The following SYP variants were observed in gnomAD, a reference collection of about 807,000 sequenced individuals.
SYP encodes the protein synaptophysin.
A neutral mutation model predicts 24.3 loss-of-function variants in SYP; 2 were observed. The ratio of observed to expected loss-of-function variants is 0.08; its 90% CI spans 0.03 to 0.26. SYP has a LOEUF of 0.26. Ranked by LOEUF, SYP falls within the 10% of genes least tolerant of loss-of-function variation. SYP has a pLI of 1.00. For missense variants in SYP, 216 were observed against 266.3 expected (o/e 0.81, Z 1.32); for synonymous variants, 143 against 123.2 (o/e 1.16, Z -1.07).
Position 49,200,131 on chromosome X carries a change from C to G in SYP, c.36+20G>C. The G allele has an allele frequency of 1.7e-6, 2 of 1,166,018 alleles. No individual in the cohort carries two copies. The highest frequency in any genetic ancestry group is 3.8e-5 in the South Asian group (2 of 52,715). ...CAGCCGGGCGGCGGCGGGCTCTGTC[C>G]ACGGTGCTGGAGCGCGTACCTGATT... On this transcript the variant is annotated intron_variant, in intron 1 of 6. Coordinates refer to ENST00000263233, the MANE Select transcript of SYP (RefSeq NM_003179.3).
At chrX:49,197,649 T>G in intron 3 of SYP, 66 bp downstream of exon 3, 5 of 1,165,801 alleles carry the variant, frequency 4.3e-6, no homozygotes, top group Non-Finnish European at 5.8e-6. Flanking sequence ...CGGGGGGAGG[T>G]ATTGGCCGGT....
chrX:49,194,253 C>A lies in SYP; in HGVS notation c.336G>T (p.Val112=). The A allele has an allele frequency of 1.7e-6, 2 of 1,211,527 alleles. No homozygotes were observed. Among genetic ancestry groups the A allele is most frequent in the African/African-American group, 3.5e-5 (2 of 57,713 alleles). The change falls in exon 4 of 7, where the codon GTG becomes GTT. Residue 112 remains valine (V), a synonymous_variant. Coordinates refer to ENST00000263233, the MANE Select transcript of SYP (RefSeq NM_003179.3). ...CCCCCATGGAGTAGAGGAAGGCAAACACGGCCACGGTGACAAAGAATTCGG... is the reference window on the plus strand; with the variant it reads ...CCCCCATGGAGTAGAGGAAGGCAAAAACGGCCACGGTGACAAAGAATTCGG... ...SSAEFFVTVA[V]FAFLYSMGAL...
chrX:49,191,745 G>C lies in SYP; in HGVS notation c.634C>G (p.Leu212Val), dbSNP rs1278446763. ...NTSVVFGFLN[L>V]VLWVGNLWFV... ...CACAGGTTGCCGACCCAGAGCACCA[G>C]GTTCAGGAAGCCGAACACCTGCAGG... The change falls in exon 6 of 7, where the codon CTG becomes GTG. Residue 212 changes from leucine to valine, a missense_variant. Transcript: ENST00000263233. 3.3e-6 allele frequency: 4 copies of C among 1,206,085 alleles called. No individual in the cohort carries two copies. The highest frequency in any genetic ancestry group is 4.5e-6 in the Non-Finnish European group (4 of 892,947).
chrX:49,191,328 A>G, intron 6 of SYP, 105 bp downstream of exon 6: 7 of 964,326 alleles, frequency 7.3e-6, no homozygotes, highest in Non-Finnish European at 1.0e-5. Flanking sequence ...TACTTGCCCC[A>G]GTAAACGCCT....
At chrX:49,200,114 C>T in intron 1 of SYP, 37 bp downstream of exon 1, 1 of 1,162,476 alleles carries the variant, frequency 8.6e-7, no homozygotes, top group Non-Finnish European at 1.1e-6. Flanking sequence ...GGCAGCCGGG[C>T]GGCGGCGGGC....
Position 49,198,997 on chromosome X carries a change from G to A in SYP, c.73C>T (p.Pro25Ser). The A allele has an allele frequency of 1.7e-6, 2 of 1,211,722 alleles. No individual in the cohort carries two copies. The highest frequency in any genetic ancestry group is 5.9e-5 in the East Asian group (2 of 33,862). The change falls in exon 2 of 7, where the codon CCC becomes TCC. Residue 25 changes from proline (P) to serine (S), a missense_variant. By Grantham distance (74) the Pro-to-Ser change is moderately conservative. Coordinates refer to ENST00000263233, the MANE Select transcript of SYP (RefSeq NM_003179.3). ...AGGQFRVVKE[P>S]LGFVKVLQWV... ...TGCAGCACCTTCACAAAGCCGAGGG[G>A]CTCCTTGACCACCCGGAACTGACCC...
chrX:49,195,002 C>T (rs1226746413), intron 3 of SYP, among the ~76,000 whole-genome samples: 1 of 111,127 alleles, frequency 9.0e-6, no homozygotes, highest in Non-Finnish European at 1.9e-5. Context: ...CCACTGCGCC[C>T]GGCCTCCCTC....
At chrX:49,195,164 C>T (rs1557103266) in intron 3 of SYP, among the ~76,000 whole-genome samples, 4 of 108,958 alleles carry the variant, frequency 3.7e-5, no homozygotes, top group Non-Finnish European at 5.7e-5. Flanking sequence ...ACCCATCTGA[C>T]ATACCAGGTA....
At chrX:49,191,057 A>G (rs935840417) in intron 6 of SYP, 27 of 291,713 alleles carry the variant, frequency 9.3e-5, no homozygotes, top group African/African-American at 6.9e-4. Flanking sequence ...CACTTCTAAG[A>G]CCCACCTCCT....
At position 49,189,256 on chromosome X, in the gene SYP, C is replaced by G. The variant is rs1052590974; in HGVS notation, c.*31G>C. 2 of 109,666 alleles carry G rather than the reference C, an allele frequency of 1.8e-5. No homozygotes were observed. The highest frequency in any genetic ancestry group is 2.9e-4 in the East Asian group (1 of 3,487). The allele number at this position is 109,666 out of a possible 1,213,427, so 9.0% of individuals were successfully genotyped here. A position where few individuals can be genotyped will look rare whatever the true frequency, so the allele number is the denominator to read the frequency against. ...AGGCCTTCTCCTGAGCTCTTGCCCC[C>G]CCCAGGTCCTCCTGGGCTTCACTGA... On this transcript the variant is annotated 3_prime_UTR_variant, in exon 7 of 7. Transcript: ENST00000263233.
In SYP at chrX:49,191,495, T is replaced by G. The variant is rs1557102705; in HGVS notation, c.884A>C (p.Tyr295Ser). The change falls in exon 6 of 7, where the codon TAT becomes TCT. Residue 295 changes from tyrosine (Y) to serine (S), a missense_variant. By Grantham distance (144) the Tyr-to-Ser change is moderately radical (BLOSUM62 -2). Coordinates refer to ENST00000263233, the MANE Select transcript of SYP (RefSeq NM_003179.3). ...CTGCGGGCCGTAGCCTTGCTGCCCA[T>G]AGTCGCCCTGAGGCCCGTAGCCACT... ...GGSGYGPQGD[Y>S]GQQGYGPQGA... The G allele has an allele frequency of 8.3e-7, 1 of 1,210,398 alleles. No homozygotes were observed. The highest frequency in any genetic ancestry group is 1.7e-5 in the African/African-American group (1 of 57,517).
In SYP at chrX:49,193,454, C is replaced by T; in HGVS notation, c.433G>A (p.Ala145Thr). Reference protein sequence around the residue: ...NNKGPMLDFLATAVFAFMWLV... With the variant: ...NNKGPMLDFLTTAVFAFMWLV... ...CACATGAAGGCGAACACAGCCGTGG[C>T]CAGAAAGTCCTAAGGCAGGCAGGGG... The change falls in exon 5 of 7, where the codon GCC becomes ACC. Residue 145 changes from alanine to threonine, a missense_variant. Coordinates refer to ENST00000263233, the MANE Select transcript of SYP (RefSeq NM_003179.3). 3.1e-5 allele frequency: 37 copies of T among 1,211,572 alleles called. No individual in the cohort carries two copies. The highest frequency in any genetic ancestry group is 5.3e-5 in the South Asian group (3 of 56,815).
intron 3 of SYP, among the ~76,000 whole-genome samples, chrX:49,194,569 A>C (rs187025499): frequency 0.012 from 1,278 of 110,859 alleles, 16 homozygotes; most frequent in African/African-American, 0.041. Context: ...ACTCCAACCC[A>C]AGCACTCTGG....
At chrX:49,197,881 G>T (rs199905260) in intron 2 of SYP, 42 bp from the exon 3 acceptor site, 21 of 1,204,288 alleles carry the variant, frequency 1.7e-5, no homozygotes, top group Middle Eastern at 5.4e-4. Flanking sequence ...GAACCTGTGT[G>T]CATGTGGGAG....
rs376222680 is a variant in SYP, at chrX:49,191,511, C to T, written c.868G>A (p.Gly290Arg). ...QPAGSGGSGYGPQGDYGQQGY... is the reference protein window; with the variant it reads ...QPAGSGGSGYRPQGDYGQQGY... Reference sequence around the variant, plus strand: ...TGCTGCCCATAGTCGCCCTGAGGCCCGTAGCCACTGCCACCGCTGCCGGCT... The same window carrying T: ...TGCTGCCCATAGTCGCCCTGAGGCCTGTAGCCACTGCCACCGCTGCCGGCT... The change falls in exon 6 of 7, where the codon GGG becomes AGG. Residue 290 changes from glycine (G) to arginine (R), a missense_variant. Around this residue, in one of 2 missense-constraint regions of SYP, gnomAD observed 114 missense variants for 107.9 expected, o/e 1.06. Coordinates refer to ENST00000263233, the MANE Select transcript of SYP (RefSeq NM_003179.3). 1.7e-6 allele frequency: 2 copies of T among 1,210,064 alleles called. No individual in the cohort carries two copies. Among genetic ancestry groups the T allele is most frequent in the South Asian group, 1.8e-5 (1 of 56,843 alleles).
chrX:49,195,989 G>T (rs902466582), intron 3 of SYP, among the ~76,000 whole-genome samples: 1 of 111,424 alleles, frequency 9.0e-6, no homozygotes, highest in Non-Finnish European at 1.9e-5. Flanking sequence ...AGGAGAGGGG[G>T]TCCCTAAGAG....
chrX:49,194,378 G>A lies in SYP; in HGVS notation c.228-17C>T. ...TGGTGCAGCCTGCAAACAGAGGTGG[G>A]CAGGTGTGGCCCAGCCCCTCAGAAC... On this transcript the variant is annotated splice_polypyrimidine_tract_variant and intron_variant, in intron 3 of 6. Coordinates refer to ENST00000263233, the MANE Select transcript of SYP (RefSeq NM_003179.3). 1.7e-6 allele frequency: 2 copies of A among 1,207,937 alleles called. No individual in the cohort carries two copies. The highest frequency in any genetic ancestry group is 2.2e-6 in the Non-Finnish European group (2 of 893,470).
intron 1 of SYP, 139 bp downstream of exon 1, chrX:49,200,012 A>C: frequency 9.5e-6 from 7 of 739,972 alleles, no homozygotes; most frequent in Non-Finnish European, 1.4e-5. Context: ...CACCTGCCGC[A>C]GACCCCCATC....
At position 49,191,623 on chromosome X, in the gene SYP, A is replaced by G; in HGVS notation, c.756T>C (p.Asp252=). The change falls in exon 6 of 7, where the codon GAT becomes GAC. Residue 252 remains aspartate, a synonymous_variant. Coordinates refer to ENST00000263233, the MANE Select transcript of SYP (RefSeq NM_003179.3). ...CGCCGGGGCCCTGCCCGTAGCCTGC[A>G]TCGCCGTAGGCGTCCCCGGGTGCCG... The part of the protein sequence containing the change: ...KQPAPGDAYG[D]AGYGQGPGGY... 2 of 1,207,862 alleles carry G rather than the reference A, an allele frequency of 1.7e-6. No individual in the cohort carries two copies. Among genetic ancestry groups the G allele is most frequent in the Non-Finnish European group, 2.2e-6 (2 of 893,953 alleles).
Sources: gnomAD v4.1 joint callset for allele counts (sites outside exome capture counted in the v4.1 genomes callset) on GRCh38, gnomAD v4.1.1 for gene constraint, gnomAD v4.1.1 regional missense constraint, MANE v1.5 for transcripts, NCBI Gene and HGNC (gene_info 2026-07-23, HGNC 2026-07-21) for gene names.